The following SEM1 variants were observed in gnomAD, a reference collection of about 807,000 sequenced individuals.
The protein encoded by SEM1 is 26S proteasome complex subunit SEM1.
A neutral mutation model predicts 12.7 loss-of-function variants in SEM1; 3 were observed. The ratio of observed to expected loss-of-function variants is 0.24; its 90% CI spans 0.11 to 0.61. SEM1 has a LOEUF of 0.61. Ranked by LOEUF, SEM1 falls within the 20% of genes least tolerant of loss-of-function variation. The pLI is 0.88. For synonymous variants in SEM1, 30 were observed against 27.8 expected, an observed-to-expected ratio of 1.08 and a Z score of -0.25; for missense variants, 59 against 81.3, an observed-to-expected ratio of 0.73 and a Z score of 1.06.
intron 2 of SEM1, among the ~76,000 whole-genome samples, chr7:96,592,164 G>A (rs556011278): frequency 1.3e-5 from 2 of 151,962 alleles, no homozygotes; most frequent in African/African-American, 2.4e-5. Flanking sequence ...TGGGATGACT[G>A]GCTTACCTAA....
chr7:96,602,870 C>G (rs1394610975), intron 2 of SEM1, among the ~76,000 whole-genome samples: 1 of 152,024 alleles, frequency 6.6e-6, no homozygotes, highest in Non-Finnish European at 1.5e-5. Context: ...AAACATTTTA[C>G]AAATGATCAA....
At chr7:96,680,119 A>T (rs1418183297) in intron 2 of SEM1, among the ~76,000 whole-genome samples, 1 of 152,084 alleles carries the variant, frequency 6.6e-6, no homozygotes, top group East Asian at 1.9e-4. Flanking sequence ...AGGACAGGAT[A>T]ACTCTAAGAT....
chr7:96,558,008 C>A (rs962571047), intron 2 of SEM1: 1 of 153,812 alleles, frequency 6.5e-6, no homozygotes, highest in African/African-American at 2.4e-5. Context: ...TGACCCCTTG[C>A]GCTTCCCAAG....
intron 1 of SEM1, among the ~76,000 whole-genome samples, chr7:96,489,412 T>C (rs1802911563): frequency 6.6e-6 from 1 of 152,144 alleles, no homozygotes; most frequent in South Asian, 2.1e-4. Flanking sequence ...TCATTTGTAA[T>C]AAGTTCCCAG....
At chr7:96,704,080 G>C (rs1046577681) in intron 1 of SEM1, among the ~76,000 whole-genome samples, 12 of 151,572 alleles carry the variant, frequency 7.9e-5, no homozygotes, top group Non-Finnish European at 2.9e-5. Context: ...GACTATTTAA[G>C]ATGAACACAA....
intron 2 of SEM1, among the ~76,000 whole-genome samples, chr7:96,615,784 T>G (rs377470676): frequency 5.9e-5 from 9 of 152,340 alleles, no homozygotes; most frequent in East Asian, 5.8e-4. Flanking sequence ...TGTCTATTAC[T>G]CCATGCTGTA....
intron 2 of SEM1, among the ~76,000 whole-genome samples, chr7:96,540,082 AAG>A (rs1338537579): frequency 6.6e-6 from 1 of 151,402 alleles, no homozygotes; most frequent in African/African-American, 2.4e-5. Flanking sequence ...AAAATTGAAA[AAG>A]AATTCTTAAC....
At chr7:96,579,320 G>A (rs1420980481) in intron 2 of SEM1, among the ~76,000 whole-genome samples, 1 of 152,196 alleles carries the variant, frequency 6.6e-6, no homozygotes. Context: ...ATTTATTCAT[G>A]TCACCACTTA....
chr7:96,670,918 G>C (rs1789297585), downstream of SEM1, among the ~76,000 whole-genome samples: 1 of 152,146 alleles, frequency 6.6e-6, no homozygotes, highest in African/African-American at 2.4e-5. Context: ...TTGAAATATA[G>C]GGAGGGAGAG....
intron 2 of SEM1, among the ~76,000 whole-genome samples, chr7:96,580,577 G>A (rs1169664928): frequency 6.6e-6 from 1 of 151,920 alleles, no homozygotes; most frequent in Non-Finnish European, 1.5e-5. Context: ...CTAGTTTACA[G>A]TCCCACCAAC....
intron 2 of SEM1, among the ~76,000 whole-genome samples, chr7:96,511,510 C>G (rs1178644689): frequency 3.3e-5 from 5 of 151,866 alleles, no homozygotes; most frequent in Non-Finnish European, 7.4e-5. Context: ...TGGTGTTTGT[C>G]CAAGGATTAG....
intron 2 of SEM1, among the ~76,000 whole-genome samples, chr7:96,564,659 C>T (rs1805793418): frequency 6.6e-6 from 1 of 151,888 alleles, no homozygotes; most frequent in Non-Finnish European, 1.5e-5. Context: ...GTGGAAGGGA[C>T]CCAATTTCCT....
chr7:96,682,979 A>C (rs760208205), intron 2 of SEM1, among the ~76,000 whole-genome samples: 14 of 152,174 alleles, frequency 9.2e-5, no homozygotes, highest in Non-Finnish European at 1.9e-4. Flanking sequence ...TGGTCATTAG[A>C]GAAATGCAAA....
intron 2 of SEM1, among the ~76,000 whole-genome samples, chr7:96,583,575 T>TA (rs1806496195): frequency 6.7e-6 from 1 of 150,032 alleles, no homozygotes; most frequent in African/African-American, 2.4e-5. Flanking sequence ...AGTGGTGTGT[T>TA]AAAGTCTCCC....
chr7:96,552,439 T>C (rs1805314085), intron 2 of SEM1, among the ~76,000 whole-genome samples: 1 of 150,356 alleles, frequency 6.7e-6, no homozygotes, highest in Non-Finnish European at 1.5e-5. Context: ...GAATATGCGG[T>C]GTTTGGTTTT....
chr7:96,511,189 C>T (rs759675248), intron 2 of SEM1, among the ~76,000 whole-genome samples: 2 of 152,230 alleles, frequency 1.3e-5, no homozygotes, highest in African/African-American at 2.4e-5. Context: ...GTTTTTAGAA[C>T]GTAACCAGTC....
exon 4 of SEM1, chr7:96,483,857 T>G (rs202197267): frequency 1.2e-4 from 182 of 1,536,540 alleles, no homozygotes; most frequent in Non-Finnish European, 1.6e-4. Context: ...ATTGATATGC[T>G]GCTAGCAAGT....
intron 2 of SEM1, among the ~76,000 whole-genome samples, chr7:96,623,828 T>C (rs908630109): frequency 3.9e-5 from 6 of 152,134 alleles, no homozygotes; most frequent in Non-Finnish European, 8.8e-5. Flanking sequence ...TGAAGTGATG[T>C]TGGCAGGACT....
exon 4 of SEM1, chr7:96,481,992 C>A (rs1802560167): frequency 6.6e-6 from 1 of 152,102 alleles, no homozygotes; most frequent in African/African-American, 2.4e-5. Context: ...AAAAAGGATT[C>A]TTGGCATTAT....
Sources: gnomAD v4.1 joint callset for allele counts (sites outside exome capture counted in the v4.1 genomes callset) on GRCh38, gnomAD v4.1.1 for gene constraint, MANE v1.5 for transcripts, NCBI Gene and HGNC (gene_info 2026-07-23, HGNC 2026-07-21) for gene names.